LDLRAD4: variants seen among roughly 807,000 people sequenced by gnomAD.
LDLRAD4 encodes low-density lipoprotein receptor class A domain-containing protein 4.
LDLRAD4 carries 5 observed loss-of-function variants against 17.0 expected under a neutral mutation model. The ratio of observed to expected loss-of-function variants is 0.29; its 90% confidence interval spans 0.15 to 0.62. The LOEUF is 0.62. LDLRAD4 is among the 20% of genes least tolerant of loss of function. LDLRAD4 has a pLI of 0.84. For synonymous variants in LDLRAD4, 168 were observed against 171.8 expected, an observed-to-expected ratio of 0.98 and a Z score of 0.17; for missense variants, 340 against 424.7, an observed-to-expected ratio of 0.80 and a Z score of 1.75.
chr18:13,598,284 T>C (rs2095118785), intron 3 of LDLRAD4, among the ~76,000 whole-genome samples: 1 of 152,246 alleles, frequency 6.6e-6, no homozygotes, highest in Admixed American at 6.5e-5. Flanking sequence ...GGCACAGCCT[T>C]GGATATGGCA....
chr18:13,597,646 T>A (rs1473018854), intron 3 of LDLRAD4, among the ~76,000 whole-genome samples: 1 of 152,196 alleles, frequency 6.6e-6, no homozygotes, highest in Non-Finnish European at 1.5e-5. Context: ...GAGTGCACAG[T>A]CTTTATCAAT....
At chr18:13,246,365 C>T (rs959807767) in intron 1 of LDLRAD4, among the ~76,000 whole-genome samples, 17 of 152,228 alleles carry the variant, frequency 1.1e-4, no homozygotes, top group Admixed American at 9.8e-4. Flanking sequence ...TGCATTTCTG[C>T]AGTCCTGAGT....
intron 3 of LDLRAD4, among the ~76,000 whole-genome samples, chr18:13,519,561 G>A (rs1291680454): frequency 1.3e-5 from 2 of 152,106 alleles, no homozygotes; most frequent in African/African-American, 2.4e-5. Flanking sequence ...AGGAGTTCGA[G>A]ACCAGCCTGG....
intron 3 of LDLRAD4, chr18:13,487,996 G>A (rs1479686888): frequency 6.6e-6 from 1 of 152,518 alleles, no homozygotes; most frequent in Non-Finnish European, 1.5e-5. Context: ...TGAGAGGGAT[G>A]GGAAGGACAA....
intron 1 of LDLRAD4, among the ~76,000 whole-genome samples, chr18:13,292,916 A>G (rs187615047): frequency 2.0e-5 from 3 of 152,344 alleles, no homozygotes; most frequent in African/African-American, 2.4e-5. Context: ...ATGCCCGGAA[A>G]TGAGACGATG....
At chr18:13,578,742 A>T (rs1334969391) in intron 3 of LDLRAD4, among the ~76,000 whole-genome samples, 1 of 151,868 alleles carries the variant, frequency 6.6e-6, no homozygotes, top group East Asian at 1.9e-4. Flanking sequence ...GCTAGGATGA[A>T]AAACAACCTG....
chr18:13,612,850 G>A lies in LDLRAD4; in HGVS notation c.182-8267G>A, dbSNP rs563320104. On this transcript the variant is annotated intron_variant, in intron 3 of 5. Coordinates refer to ENST00000359446, the Ensembl canonical transcript of LDLRAD4. Reference sequence around the variant, plus strand: ...TGTGGTTCTTCTTGGAGTTTGGTCTGAGGACAGAGCTGAGAAGAGGAGAAG... The same window carrying A: ...TGTGGTTCTTCTTGGAGTTTGGTCTAAGGACAGAGCTGAGAAGAGGAGAAG... The A allele has an allele frequency of 5.3e-5, 83 of 1,567,534 alleles. No individual in the cohort carries two copies. In the South Asian group the frequency reaches 9.2e-4, roughly 17 times the overall value.
intron 2 of LDLRAD4, among the ~76,000 whole-genome samples, chr18:13,425,675 G>C (rs72874887): frequency 1.3e-5 from 2 of 152,212 alleles, no homozygotes; most frequent in Non-Finnish European, 2.9e-5. Flanking sequence ...GGAGCGTTCA[G>C]GCTGGAGTGA....
Position 13,432,082 on chromosome 18 carries a change from G to A in LDLRAD4, c.41-6162G>A, listed in dbSNP as rs138071402. Among the ~76,000 whole-genome samples, 228 of 152,258 alleles carry A rather than the reference G, an allele frequency of 1.5e-3. 1 individual carries two copies. The highest frequency in any genetic ancestry group is 5.2e-3 in the African/African-American group (218 of 41,546). On this transcript the variant is annotated intron_variant, in intron 2 of 5. Coordinates refer to ENST00000359446, the Ensembl canonical transcript of LDLRAD4. ...CCAGAGGGATTCACGTTGATAACAC[G>A]CCGGTGCAGTCTCGCAGCCTACTCA...
chr18:13,592,705 G>C (rs1276117528), intron 3 of LDLRAD4, among the ~76,000 whole-genome samples: 1 of 152,170 alleles, frequency 6.6e-6, no homozygotes, highest in Non-Finnish European at 1.5e-5. Flanking sequence ...TCAATGTTGT[G>C]CTCCCTTAAG....
At chr18:13,486,283 A>T (rs2093220698) in intron 3 of LDLRAD4, among the ~76,000 whole-genome samples, 1 of 152,184 alleles carries the variant, frequency 6.6e-6, no homozygotes, top group Non-Finnish European at 1.5e-5. Context: ...CTACATATTT[A>T]TTTTTGGTTT....
At chr18:13,336,437 G>C (rs1470283478) in intron 1 of LDLRAD4, among the ~76,000 whole-genome samples, 2 of 151,900 alleles carry the variant, frequency 1.3e-5, no homozygotes, top group Non-Finnish European at 2.9e-5. Context: ...TTAAATATTT[G>C]TTTCATTCTA....
chr18:13,561,241 G>A (rs1363682289), intron 3 of LDLRAD4, among the ~76,000 whole-genome samples: 4 of 152,162 alleles, frequency 2.6e-5, no homozygotes, highest in African/African-American at 9.7e-5. Context: ...TTATTTTTAG[G>A]AAACAATATA....
intron 5 of LDLRAD4, among the ~76,000 whole-genome samples, 194 bp downstream of exon 6, chr18:13,643,606 C>A (rs2042813167): frequency 6.6e-6 from 1 of 152,208 alleles, no homozygotes; most frequent in Non-Finnish European, 1.5e-5. Flanking sequence ...AGGGATTATT[C>A]CTGCTAGTCT....
At chr18:13,606,274 A>T (rs1227763279) in intron 3 of LDLRAD4, among the ~76,000 whole-genome samples, 2 of 152,256 alleles carry the variant, frequency 1.3e-5, no homozygotes, top group Admixed American at 6.5e-5. Context: ...CTTAGCCATT[A>T]TGAAAATCTA....
chr18:13,362,291 G>A (rs933531765), intron 1 of LDLRAD4: 11 of 152,370 alleles, frequency 7.2e-5, no homozygotes, highest in Admixed American at 2.0e-4. Flanking sequence ...GCATGGGAGT[G>A]AAATTCGTGC....
chr18:13,325,647 C>T (rs1004890623), intron 1 of LDLRAD4, among the ~76,000 whole-genome samples: 1 of 152,248 alleles, frequency 6.6e-6, no homozygotes, highest in African/African-American at 2.4e-5. Context: ...CAGGCCGATC[C>T]CGGCACTCAG....
At chr18:13,334,244 C>CT (rs113071795) in intron 1 of LDLRAD4, among the ~76,000 whole-genome samples, 81 of 148,790 alleles carry the variant, frequency 5.4e-4, no homozygotes, top group Middle Eastern at 3.4e-3. Context: ...TTTTTTATTT[C>CT]TTTTTTTTTT....
chr18:13,582,985 G>A (rs1449059575), intron 3 of LDLRAD4, among the ~76,000 whole-genome samples: 1 of 152,078 alleles, frequency 6.6e-6, no homozygotes. Flanking sequence ...CAGTGTGCTG[G>A]GATTATAGGG....
Sources: allele counts gnomAD v4.1 joint callset (sites outside exome capture counted in the v4.1 genomes callset), GRCh38; gene constraint gnomAD v4.1.1; transcripts MANE v1.5; gene names NCBI Gene and HGNC (gene_info 2026-07-23, HGNC 2026-07-21).